The following LARS2 variants were observed in gnomAD, a reference collection of about 807,000 sequenced individuals.
LARS2 encodes the protein leucine--tRNA ligase, mitochondrial.
A neutral mutation model predicts 116.6 loss-of-function variants in LARS2; 81 were observed. The observed-to-expected ratio is 0.69, with a 90% CI of 0.58 to 0.84. The LOEUF is 0.84. LARS2 is among the 40% of genes least tolerant of loss of function. The pLI, the probability that LARS2 is intolerant of heterozygous loss-of-function variation, is 0.00. For synonymous variants in LARS2, 396 were observed against 407.2 expected, an observed-to-expected ratio of 0.97 and a Z score of 0.33; for missense variants, 968 against 1,114.5, an observed-to-expected ratio of 0.87 and a Z score of 1.87.
At chr3:45,533,258 T>C (rs907523898) in intron 20 of LARS2, among the ~76,000 whole-genome samples, 21 of 146,060 alleles carry the variant, frequency 1.4e-4, no homozygotes, top group Non-Finnish European at 1.9e-4. Context: ...TCACACCATT[T>C]GCCTGCATCA....
intron 20 of LARS2, among the ~76,000 whole-genome samples, chr3:45,527,574 A>T (rs936823473): frequency 2.0e-5 from 3 of 151,586 alleles, no homozygotes; most frequent in Admixed American, 6.6e-5. Flanking sequence ...CAGTGAGCCG[A>T]GATCACACCA....
At chr3:45,499,313 G>C (rs1044963844) in intron 14 of LARS2, among the ~76,000 whole-genome samples, 2 of 152,102 alleles carry the variant, frequency 1.3e-5, no homozygotes, top group Non-Finnish European at 2.9e-5. Context: ...GTGGTGTCAG[G>C]CATCTGTAAT....
chr3:45,417,895 A>G (rs1043991303), intron 5 of LARS2, among the ~76,000 whole-genome samples: 3 of 152,212 alleles, frequency 2.0e-5, no homozygotes, highest in African/African-American at 4.8e-5. Context: ...TTAAATTTCT[A>G]TAATGCTTCT....
At chr3:45,431,653 TA>T (rs147302177) in intron 6 of LARS2, among the ~76,000 whole-genome samples, 24,715 of 148,728 alleles carry the variant, frequency 0.17, 2,060 homozygotes, top group Middle Eastern at 0.22. Flanking sequence ...ACAAAGAAAA[TA>T]GTTATAGAAT....
chr3:45,542,026 G>A (rs1700806209), intron 21 of LARS2, 70 bp downstream of exon 21: 5 of 1,575,418 alleles, frequency 3.2e-6, no homozygotes, highest in Non-Finnish European at 4.3e-6. Flanking sequence ...ATACTGTGGT[G>A]GTTTTGAGAG....
chr3:45,533,838 A>C (rs1700659875), intron 20 of LARS2, among the ~76,000 whole-genome samples: 1 of 152,230 alleles, frequency 6.6e-6, no homozygotes, highest in African/African-American at 2.4e-5. Flanking sequence ...AGTGTGGTAG[A>C]AACTAGCCCA....
chr3:45,504,265 T>A (rs372209001), intron 15 of LARS2, among the ~76,000 whole-genome samples: 59 of 152,088 alleles, frequency 3.9e-4, no homozygotes, highest in African/African-American at 1.4e-3. Flanking sequence ...GGTCAAAAAA[T>A]ATGTGTCTTT....
At chr3:45,430,218 C>T (rs1227028216) in intron 6 of LARS2, among the ~76,000 whole-genome samples, 3 of 150,130 alleles carry the variant, frequency 2.0e-5, no homozygotes, top group South Asian at 4.2e-4. Context: ...GTGATCCGCC[C>T]GCCTTGGCCT....
chr3:45,486,534 C>T (rs151293872), intron 11 of LARS2, among the ~76,000 whole-genome samples: 3 of 152,238 alleles, frequency 2.0e-5, no homozygotes, highest in African/African-American at 4.8e-5. Flanking sequence ...CCCAGAGTCC[C>T]GAAACCTTGC....
chr3:45,548,442 C>T lies in LARS2; in HGVS notation c.*912C>T, dbSNP rs1700906154. 1 of 152,266 alleles carries T rather than the reference C, an allele frequency of 6.6e-6. No individual in the cohort carries two copies. Among genetic ancestry groups the T allele is most frequent in the Non-Finnish European group, 1.5e-5 (1 of 68,062 alleles). 9.4% of individuals were successfully genotyped at this position (152,266 alleles called of 1,614,324 possible). ...ATGTGGGCCCCAGATGGCAATGCCA[C>T]CATTGTTGATGTGACTCCAGAGCCA... On this transcript the variant is annotated 3_prime_UTR_variant, in exon 22 of 22. Coordinates refer to ENST00000645846, the MANE Select transcript of LARS2 (RefSeq NM_015340.4).
chr3:45,465,775 T>C (rs111245726), intron 8 of LARS2, among the ~76,000 whole-genome samples: 4 of 152,336 alleles, frequency 2.6e-5, no homozygotes, highest in African/African-American at 9.6e-5. Context: ...TGCAGGGCCT[T>C]CCTGCTGACC....
chr3:45,414,265 TA>T (rs1317888457), intron 4 of LARS2, among the ~76,000 whole-genome samples: 1 of 152,134 alleles, frequency 6.6e-6, no homozygotes. Context: ...AAACCAGAGA[TA>T]AAAAATACAT....
rs527379704 is a variant in LARS2 at position 45,540,641 on chromosome 3, C to T, written c.2405-1188C>T. 4.6e-5 allele frequency among the ~76,000 whole-genome samples: 7 copies of T among 152,330 alleles called. No homozygotes were observed. In the East Asian group the frequency reaches 1.4e-3, roughly 29 times the overall value. On this transcript the variant is annotated intron_variant, in intron 20 of 21. Transcript: ENST00000645846. ...TGGGCATGCTGGCCATATTCACTTG[C>T]CCACTTCTGCCCAGGGATCTATTTT...
At chr3:45,501,149 A>AGC (rs1184851148) in intron 15 of LARS2, among the ~76,000 whole-genome samples, 1 of 59,362 alleles carries the variant, frequency 1.7e-5, no homozygotes, top group Non-Finnish European at 5.7e-5. Context: ...GAATGGTACA[A>AGC]CACATTAAAT....
At chr3:45,496,606 C>T (rs1450930941) in intron 14 of LARS2, among the ~76,000 whole-genome samples, 6 of 152,218 alleles carry the variant, frequency 3.9e-5, no homozygotes, top group African/African-American at 1.2e-4. Flanking sequence ...CCTCAGCCCA[C>T]AGCACAACTC....
At chr3:45,500,383 T>C in intron 14 of LARS2, 59 bp from the exon 15 acceptor site, 1 of 1,540,154 alleles carries the variant, frequency 6.5e-7, no homozygotes, top group South Asian at 1.2e-5. Context: ...TAGGCCTGTT[T>C]AATTTACACA....
chr3:45,401,061 T>A (rs1348611066), intron 4 of LARS2, among the ~76,000 whole-genome samples: 2 of 152,208 alleles, frequency 1.3e-5, no homozygotes, highest in African/African-American at 4.8e-5. Context: ...TCCGCCCACC[T>A]TGGCCTCCCA....
chr3:45,490,904 G>A (rs1328919529), intron 12 of LARS2, among the ~76,000 whole-genome samples: 2 of 152,186 alleles, frequency 1.3e-5, no homozygotes, highest in East Asian at 1.9e-4. Context: ...TCTATAAAAC[G>A]GGAGCATTTA....
rs1219729965 is a variant in LARS2, at chr3:45,547,773, CT to C, written c.*244del. 2.4e-6 allele frequency: 1 copy of C among 420,476 alleles called. No homozygotes were observed. The highest frequency in any genetic ancestry group is 2.1e-5 in the African/African-American group (1 of 48,722). The allele number at this position is 420,476 out of a possible 1,614,324, so 26.0% of individuals were successfully genotyped here. On this transcript the variant is annotated 3_prime_UTR_variant, in exon 22 of 22. Coordinates refer to ENST00000645846, the MANE Select transcript of LARS2 (RefSeq NM_015340.4). Reference sequence around the variant, plus strand: ...GAGGAGGGGGTTGGACATCCTGCCCCTCACCCCCCACCCACACTGCAGGTAG... The same window carrying C: ...GAGGAGGGGGTTGGACATCCTGCCCCCACCCCCCACCCACACTGCAGGTAG...
Sources: gnomAD v4.1 joint callset for allele counts (sites outside exome capture counted in the v4.1 genomes callset) on GRCh38, gnomAD v4.1.1 for gene constraint, MANE v1.5 for transcripts, NCBI Gene and HGNC (gene_info 2026-07-23, HGNC 2026-07-21) for gene names.